Variants in ERMAP observed in about 807,000 individuals in gnomAD.
ERMAP encodes erythroid membrane-associated protein.
Under a neutral mutation model 49.5 loss-of-function variants are expected in ERMAP, and 34 were observed. The observed-to-expected ratio is 0.69, with a 90% confidence interval of 0.52 to 0.91. ERMAP has a LOEUF of 0.91. ERMAP is among the 40% of genes least tolerant of loss of function. ERMAP has a pLI of 0.00. For missense variants in ERMAP, 541 were observed against 582.6 expected, an observed-to-expected ratio of 0.93 and a Z score of 0.74; for synonymous variants, 214 against 232.2, an observed-to-expected ratio of 0.92 and a Z score of 0.71.
chr1:42,825,559 G>A, intron 1 of ERMAP, 64 bp from the exon 2 acceptor site: 1 of 1,231,498 alleles, frequency 8.1e-7, no homozygotes. Context: ...TTCTGTGGGG[G>A]CAGAGAGAGC....
chr1:42,821,576 G>T (rs1430700653), intron 1 of ERMAP, among the ~76,000 whole-genome samples: 1 of 152,094 alleles, frequency 6.6e-6, no homozygotes, highest in Admixed American at 6.5e-5. Context: ...AATTACTTTG[G>T]AAAACAATTT....
chr1:42,825,362 C>T, intron 1 of ERMAP: 2 of 525,826 alleles, frequency 3.8e-6, no homozygotes, highest in Non-Finnish European at 4.9e-6. Flanking sequence ...GATCAAAACG[C>T]ATCAGAGGGA....
At chr1:42,820,290 T>C (rs1212555522) in intron 1 of ERMAP, among the ~76,000 whole-genome samples, 2 of 152,206 alleles carry the variant, frequency 1.3e-5, no homozygotes, top group Non-Finnish European at 2.9e-5. Flanking sequence ...CTTTAAGTAT[T>C]TTTCATTCAT....
rs757900326 is a variant in ERMAP, at chr1:42,842,972, C to T, written c.1168C>T (p.Pro390Ser). 21 of 1,614,068 alleles carry T rather than the reference C, an allele frequency of 1.3e-5. 1 individual carries two copies. The South Asian group carries it at 2.2e-4, about 17-fold the overall frequency. The change falls in exon 12 of 12, where the codon CCC becomes TCC. Residue 390 changes from proline (P) to serine (S), a missense_variant. Coordinates refer to ENST00000372517, the MANE Select transcript of ERMAP (RefSeq NM_001017922.2). ...TACTTTCACCCACAATTTCTCTGGC[C>T]CCCTTCGCCCTTTCTTTGAACCTTG... ...IFTFTHNFSGPLRPFFEPCLH... is the reference protein window; with the variant it reads ...IFTFTHNFSGSLRPFFEPCLH...
chr1:42,827,392 C>T (rs1654585873), intron 2 of ERMAP, among the ~76,000 whole-genome samples: 1 of 152,160 alleles, frequency 6.6e-6, no homozygotes, highest in East Asian at 1.9e-4. Context: ...CCAGGCTGGT[C>T]TCAAACTCCT....
rs767683803 is a variant in ERMAP, at chr1:42,842,919, A to C, written c.1115A>C (p.Tyr372Ser). Residue 372 changes from tyrosine to serine, a missense_variant, in exon 12 of 12, where the codon TAC becomes TCC. Transcript: ENST00000372517. ...TATGAAGCAGGAGTCATCTCTTTCT[A>C]CAATGTGACCAACAAGTCCCACATC... ...LDYEAGVISF[Y>S]NVTNKSHIFT... The C allele has an allele frequency of 1.1e-5, 18 of 1,614,040 alleles. No individual in the cohort carries two copies. The highest frequency in any genetic ancestry group is 1.5e-5 in the Non-Finnish European group (18 of 1,180,034).
chr1:42,826,054 G>T (rs530397104), intron 2 of ERMAP, among the ~76,000 whole-genome samples: 1 of 152,152 alleles, frequency 6.6e-6, no homozygotes, highest in Non-Finnish European at 1.5e-5. Flanking sequence ...GATTTGCAGG[G>T]TCATATTAAA....
rs1472703188 is a variant in ERMAP, at chr1:42,835,235, G to A, written c.550+81G>A. On this transcript the variant is annotated intron_variant, in intron 5 of 11. Transcript: ENST00000372517. The stretch of plus-strand genomic sequence containing the variant: ...GGGAAAGGGCCAGACGGAAGTAGAT[G>A]TAGACCTGACACTTCTCCATAGGTT... 6.5e-6 allele frequency: 5 copies of A among 772,610 alleles called. No homozygotes were observed. In the Admixed American group the frequency reaches 8.6e-5, roughly 13 times the overall value. The allele number at this position is 772,610 out of a possible 1,614,324, so 47.9% of individuals were successfully genotyped here.
rs2124357309 is a variant in ERMAP at position 42,840,037 on chromosome 1, A to G, written c.642A>G (p.Lys214=). 4 of 1,613,906 alleles carry G rather than the reference A, an allele frequency of 2.5e-6. No homozygotes were observed. Among genetic ancestry groups the G allele is most frequent in the Non-Finnish European group, 3.4e-6 (4 of 1,179,976 alleles). The change falls in exon 9 of 12, where the codon AAA becomes AAG. Residue 214 remains lysine, a synonymous_variant. Coordinates refer to ENST00000372517, the MANE Select transcript of ERMAP (RefSeq NM_001017922.2). ...CAAATTGTTTTCATTCTTTAGAGAA[A>G]CTCCGGAGTGAACTGAGTAAGTTTC... is the stretch of plus-strand genomic sequence containing the variant. ...EKGKLHKAVK[K]LRSELKLKRA...
At chr1:42,820,621 T>C (rs1654381192) in intron 1 of ERMAP, among the ~76,000 whole-genome samples, 1 of 152,190 alleles carries the variant, frequency 6.6e-6, no homozygotes. Context: ...CCCTGGTTCT[T>C]CTATTGAATT....
At chr1:42,818,931 T>G (rs2124270548) in intron 1 of ERMAP, among the ~76,000 whole-genome samples, 1 of 152,356 alleles carries the variant, frequency 6.6e-6, no homozygotes, top group Admixed American at 6.5e-5. Flanking sequence ...ACTGGTATTT[T>G]ACATTTGTGT....
At chr1:42,827,390 G>C (rs896299524) in intron 2 of ERMAP, among the ~76,000 whole-genome samples, 13 of 152,114 alleles carry the variant, frequency 8.5e-5, no homozygotes, top group Non-Finnish European at 1.5e-4. Context: ...GCCCAGGCTG[G>C]TCTCAAACTC....
Position 42,843,655 on chromosome 1 carries a change from TTCTC to T in ERMAP, c.*430_*433del, listed in dbSNP as rs1428117755. ...TTACTTATCCCATTGAGGACTGCCT[TTCTC>T]TCTCTCAGTTCTGGCCTCTGCCCCC... On this transcript the variant is annotated 3_prime_UTR_variant, in exon 12 of 12. Transcript: ENST00000372517. 3 of 185,892 alleles carry T rather than the reference TTCTC, an allele frequency of 1.6e-5. No individual in the cohort carries two copies. The highest frequency in any genetic ancestry group is 2.2e-3 in the Middle Eastern group (1 of 458). 11.5% of individuals were successfully genotyped at this position (185,892 alleles called of 1,614,324 possible). A position where few individuals can be genotyped will look rare whatever the true frequency, so the allele number is the denominator to read the frequency against.
Position 42,842,551 on chromosome 1 carries a change from C to T in ERMAP, c.747C>T (p.Pro249=). 6.2e-7 allele frequency: 1 copy of T among 1,614,070 alleles called. No individual in the cohort carries two copies. Among genetic ancestry groups the T allele is most frequent in the Non-Finnish European group, 8.5e-7 (1 of 1,179,978 alleles). The stretch of plus-strand genomic sequence containing the variant: ...CCCTGGACCCAGACACAGCACATCC[C>T]AAACTCATCCTTTCTGAGGACCAAA... ...AVTLDPDTAH[P]KLILSEDQRC... is the part of the protein sequence containing the mutation. Residue 249 remains proline (P), a synonymous_variant, in exon 12 of 12, where the codon CCC becomes CCT. Coordinates refer to ENST00000372517, the MANE Select transcript of ERMAP (RefSeq NM_001017922.2).
chr1:42,833,389 T>C (rs1654803863), intron 4 of ERMAP, among the ~76,000 whole-genome samples: 1 of 152,244 alleles, frequency 6.6e-6, no homozygotes, highest in Non-Finnish European at 1.5e-5. Context: ...TATATGTATC[T>C]CTGAGCATGT....
intron 3 of ERMAP, 111 bp downstream of exon 3, chr1:42,830,644 C>T (rs1225619489): frequency 7.6e-6 from 11 of 1,443,830 alleles, no homozygotes; most frequent in East Asian, 6.9e-5. Context: ...TTCCCCCGGC[C>T]CTGGCAATCC....
rs1655127962 is a variant in ERMAP, at chr1:42,843,489, G to A, written c.*257G>A. The A allele has an allele frequency of 1.1e-5, 4 of 379,122 alleles. No individual in the cohort carries two copies. The South Asian group carries it at 2.7e-4, about 25-fold the overall frequency. 23.5% of individuals were successfully genotyped at this position (379,122 alleles called of 1,614,324 possible). A position where few individuals can be genotyped will look rare whatever the true frequency, so the allele number is the denominator to read the frequency against. On this transcript the variant is annotated 3_prime_UTR_variant, in exon 12 of 12. Coordinates refer to ENST00000372517, the MANE Select transcript of ERMAP (RefSeq NM_001017922.2). ...AATCAGTTTAGGTGCAGGTGGAGAT[G>A]TTGAATATGTGTTACCAAGATACAG...
intron 2 of ERMAP, among the ~76,000 whole-genome samples, chr1:42,826,166 G>A (rs1654538751): frequency 6.6e-6 from 1 of 152,164 alleles, no homozygotes; most frequent in Admixed American, 6.5e-5. Context: ...TAACTGCCAT[G>A]TTTCCAACAT....
intron 1 of ERMAP, among the ~76,000 whole-genome samples, chr1:42,821,706 T>C (rs554492751): frequency 3.9e-4 from 60 of 152,272 alleles, no homozygotes; most frequent in African/African-American, 1.3e-3. Context: ...TTTTTTGAAA[T>C]TTTCCATATT....
Sources: gnomAD v4.1 joint callset for allele counts (sites outside exome capture counted in the v4.1 genomes callset) on GRCh38, gnomAD v4.1.1 for gene constraint, MANE v1.5 for transcripts, NCBI Gene and HGNC (gene_info 2026-07-23, HGNC 2026-07-21) for gene names.